Variants in STAT5B observed in about 807,000 individuals in gnomAD.
STAT5B encodes the protein signal transducer and activator of transcription 5B.
STAT5B carries 21 observed loss-of-function variants against 107.8 expected under a neutral mutation model. The ratio of observed to expected loss-of-function variants is 0.19; its 90% confidence interval spans 0.14 to 0.28. The LOEUF (loss-of-function observed/expected upper bound fraction) is 0.28, where lower values mean the gene tolerates loss of function less well. Ranked by LOEUF, STAT5B falls within the 10% of genes least tolerant of loss-of-function variation. STAT5B has a pLI of 1.00. For synonymous variants in STAT5B, 325 were observed against 401.7 expected (o/e 0.81, Z 2.28); for missense variants, 565 against 1,008.2 (o/e 0.56, Z 5.95).
intron 18 of STAT5B, 56 bp downstream of exon 18, chr17:42,202,284 C>T: frequency 6.3e-7 from 1 of 1,599,332 alleles, no homozygotes; most frequent in Admixed American, 1.7e-5. Flanking sequence ...AGGGGTCCAG[C>T]CTGGGGCCAA....
intron 1 of STAT5B, among the ~76,000 whole-genome samples, chr17:42,248,730 T>C (rs1470676591): frequency 6.6e-6 from 1 of 152,218 alleles, no homozygotes; most frequent in East Asian, 1.9e-4. Context: ...TGTGTATGTG[T>C]TCTTTCACAG....
chr17:42,235,905 G>C (rs1406872317), intron 1 of STAT5B, among the ~76,000 whole-genome samples: 1 of 152,154 alleles, frequency 6.6e-6, no homozygotes, highest in Non-Finnish European at 1.5e-5. Context: ...TGCTGGTCAA[G>C]CATATTTAGG....
At chr17:42,270,915 TC>T (rs2080717806) in intron 1 of STAT5B, 1 of 152,254 alleles carries the variant, frequency 6.6e-6, no homozygotes, top group South Asian at 2.1e-4. Context: ...GAAAACAATG[TC>T]TGCCCAGCAC....
intron 13 of STAT5B, among the ~76,000 whole-genome samples, chr17:42,210,938 C>T (rs1341705608): frequency 6.6e-6 from 1 of 152,164 alleles, no homozygotes; most frequent in African/African-American, 2.4e-5. Flanking sequence ...TGGTGGCTCA[C>T]GTCTGTAATC....
At chr17:42,265,751 C>T (rs977925512) in intron 1 of STAT5B, among the ~76,000 whole-genome samples, 19 of 152,160 alleles carry the variant, frequency 1.2e-4, no homozygotes, top group African/African-American at 4.3e-4. Context: ...GTGCCAGTTT[C>T]CCACATTCCC....
At chr17:42,277,413 G>C (rs1203002149), upstream of STAT5B, among the ~76,000 whole-genome samples, 1 of 152,194 alleles carries the variant, frequency 6.6e-6, no homozygotes, top group Non-Finnish European at 1.5e-5. Flanking sequence ...ATGGCCCAGA[G>C]CTGCAAGTTC....
At chr17:42,215,928 T>A in intron 12 of STAT5B, 86 bp downstream of exon 12, 1 of 1,466,734 alleles carries the variant, frequency 6.8e-7, no homozygotes, top group Non-Finnish European at 9.4e-7. Flanking sequence ...GGCCTTTTCC[T>A]ATGCTTTTTA....
At chr17:42,206,441 C>T (rs1172339161) in intron 16 of STAT5B, among the ~76,000 whole-genome samples, 3 of 152,074 alleles carry the variant, frequency 2.0e-5, no homozygotes, top group Non-Finnish European at 2.9e-5. Flanking sequence ...ATAACCTCCA[C>T]ACAGGAAGTT....
At chr17:42,255,114 C>T (rs1402622475) in intron 1 of STAT5B, among the ~76,000 whole-genome samples, 1 of 152,108 alleles carries the variant, frequency 6.6e-6, no homozygotes, top group Admixed American at 6.6e-5. Context: ...TCTTAACTGT[C>T]GTTTCTTAAT....
At position 42,276,299 on chromosome 17, in the gene STAT5B, T is replaced by TGCCC. The variant is rs539889607; in HGVS notation, c.-66_-63dup. On this transcript the variant is annotated 5_prime_UTR_variant, in exon 1 of 19. Transcript: ENST00000293328. The surrounding 1 kb of genome is among the most constrained non-coding windows in gnomAD (Gnocchi z 4.8). ...GCTGCTCCGGCCCAGCTGTCTGGCT[T>TGCCC]GCCCGCCCGCCCGCTCGCTCCCTCC... 2.0e-5 allele frequency: 3 copies of TGCCC among 147,166 alleles called. No individual in the cohort carries two copies. Among genetic ancestry groups the TGCCC allele is most frequent in the East Asian group, 3.9e-4 (2 of 5,076 alleles). 9.1% of individuals were successfully genotyped at this position (147,166 alleles called of 1,614,324 possible).
intron 12 of STAT5B, chr17:42,214,371 A>G: frequency 1.0e-6 from 1 of 985,378 alleles, no homozygotes; most frequent in Non-Finnish European, 1.2e-6. Context: ...AGACAGTTTC[A>G]AAAAGGAGCT....
chr17:42,281,792 C>T, the STAT5B span, among the ~76,000 whole-genome samples: 5 of 152,202 alleles, frequency 3.3e-5, no homozygotes, highest in African/African-American at 7.2e-5. Flanking sequence ...CCCCCGACCC[C>T]GCCTCTTGGG....
At chr17:42,223,867 A>G (rs978630720) in intron 4 of STAT5B, among the ~76,000 whole-genome samples, 1 of 152,194 alleles carries the variant, frequency 6.6e-6, no homozygotes, top group African/African-American at 2.4e-5. Flanking sequence ...AACCTGGTCC[A>G]GTGTCACCTG....
intron 13 of STAT5B, among the ~76,000 whole-genome samples, chr17:42,210,949 C>T (rs1338547146): frequency 2.0e-5 from 3 of 152,104 alleles, no homozygotes; most frequent in Non-Finnish European, 4.4e-5. Context: ...GTCTGTAATC[C>T]CAGCACTTTG....
At chr17:42,216,992 T>C (rs2080177346) in intron 11 of STAT5B, among the ~76,000 whole-genome samples, 168 bp downstream of exon 11, 1 of 152,094 alleles carries the variant, frequency 6.6e-6, no homozygotes, top group African/African-American at 2.4e-5. Flanking sequence ...GTTCATGTCT[T>C]AAGAGAACCT....
At chr17:42,284,197 C>A in the STAT5B span, among the ~76,000 whole-genome samples, 1 of 152,100 alleles carries the variant, frequency 6.6e-6, no homozygotes, top group African/African-American at 2.4e-5. Context: ...AGGGTAGGGG[C>A]ATGGGCAGAC....
intron 5 of STAT5B, among the ~76,000 whole-genome samples, chr17:42,222,055 CTGTG>C (rs1237628379): frequency 2.2e-5 from 2 of 91,538 alleles, no homozygotes; most frequent in South Asian, 3.5e-4. Context: ...TGCTGTGTGT[CTGTG>C]TGTGTGCTGT....
chr17:42,226,155 G>C (rs140415744), intron 3 of STAT5B, among the ~76,000 whole-genome samples: 1 of 151,886 alleles, frequency 6.6e-6, no homozygotes, highest in Non-Finnish European at 1.5e-5. Context: ...GGCTGGTCTC[G>C]AACTCCTGAC....
intron 1 of STAT5B, chr17:42,271,610 A>G (rs1351174983): frequency 6.6e-6 from 1 of 152,224 alleles, no homozygotes; most frequent in African/African-American, 2.4e-5. Flanking sequence ...ACCAAAGGTA[A>G]TAGAAGGATA....
Sources: allele counts gnomAD v4.1 joint callset (sites outside exome capture counted in the v4.1 genomes callset), GRCh38; gene constraint gnomAD v4.1.1; non-coding constraint Gnocchi (gnomAD v3.1); transcripts MANE v1.5; gene names NCBI Gene and HGNC (gene_info 2026-07-23, HGNC 2026-07-21).